GRID2: variants seen among roughly 807,000 people sequenced by gnomAD.
GRID2 encodes glutamate receptor ionotropic, delta-2.
Under a neutral mutation model 114.8 loss-of-function variants are expected in GRID2, and 33 were observed. That is an observed-to-expected ratio of 0.29 (90% confidence interval 0.22 to 0.38). The LOEUF (loss-of-function observed/expected upper bound fraction) is 0.38, where lower values mean the gene tolerates loss of function less well. GRID2 is among the 10% of genes least tolerant of loss of function. The pLI, the probability that GRID2 is intolerant of heterozygous loss-of-function variation, is 1.00. For synonymous variants in GRID2, 505 were observed against 449.9 expected (o/e 1.12, Z -1.55); for missense variants, 1,184 against 1,257.7 (o/e 0.94, Z 0.89).
intron 1 of GRID2, among the ~76,000 whole-genome samples, chr4:92,413,934 G>A (rs1188503991): frequency 6.6e-6 from 1 of 152,026 alleles, no homozygotes; most frequent in Non-Finnish European, 1.5e-5. Context: ...TTTTTTAAAT[G>A]TAGGAACAAC....
At chr4:92,966,597 G>T (rs1472490561) in intron 2 of GRID2, among the ~76,000 whole-genome samples, 2 of 151,794 alleles carry the variant, frequency 1.3e-5, no homozygotes, top group Admixed American at 6.6e-5. Context: ...TTCTCATGGT[G>T]GTGAATAAGT....
intron 2 of GRID2, among the ~76,000 whole-genome samples, chr4:92,901,397 T>A (rs1351146914): frequency 2.0e-5 from 3 of 152,146 alleles, no homozygotes; most frequent in Non-Finnish European, 2.9e-5. Context: ...TTAGTATTTT[T>A]CAGTTGCATA....
chr4:92,730,454 C>T (rs1044075253), intron 2 of GRID2, among the ~76,000 whole-genome samples: 4 of 151,900 alleles, frequency 2.6e-5, no homozygotes, highest in African/African-American at 4.8e-5. Flanking sequence ...AGATTAGGCA[C>T]ACAAAAATTA....
At chr4:93,393,848 G>C (rs755211878) in intron 8 of GRID2, among the ~76,000 whole-genome samples, 1 of 151,984 alleles carries the variant, frequency 6.6e-6, no homozygotes, top group Non-Finnish European at 1.5e-5. Flanking sequence ...AAAGTTAAGA[G>C]ACGAATTTAA....
intron 13 of GRID2, among the ~76,000 whole-genome samples, chr4:93,612,437 C>A (rs1159778180): frequency 7.2e-6 from 1 of 139,642 alleles, no homozygotes; most frequent in Non-Finnish European, 1.6e-5. Flanking sequence ...CATGATTTTG[C>A]AGCGGCTGGT....
At chr4:93,212,451 C>T (rs573591770) in intron 5 of GRID2, among the ~76,000 whole-genome samples, 9 of 152,190 alleles carry the variant, frequency 5.9e-5, no homozygotes, top group Non-Finnish European at 1.0e-4. Context: ...ATCTTCTCCC[C>T]GCAATCAGTG....
intron 1 of GRID2, among the ~76,000 whole-genome samples, chr4:92,508,886 T>C (rs1724105735): frequency 6.6e-6 from 1 of 151,782 alleles, no homozygotes; most frequent in Non-Finnish European, 1.5e-5. Flanking sequence ...TGTACCAAGG[T>C]AGTTGCTGTA....
chr4:92,948,863 A>G (rs1751832093), intron 2 of GRID2, among the ~76,000 whole-genome samples: 1 of 152,046 alleles, frequency 6.6e-6, no homozygotes, highest in Admixed American at 6.6e-5. Flanking sequence ...CACTTATTCT[A>G]GGTGTATATA....
rs186989215 is a variant in GRID2 at position 92,721,205 on chromosome 4, G to T, written c.244+130919G>T. 2.3e-4 allele frequency among the ~76,000 whole-genome samples: 35 copies of T among 152,194 alleles called. No homozygotes were observed. In the East Asian group the frequency reaches 6.6e-3, roughly 29 times the overall value. ...TGGACAGAGAATTTCAGTTTGGAAA[G>T]ATGAAGGAATAAGCTCTGGAGAAAG... is the stretch of plus-strand genomic sequence containing the variant. On this transcript the variant is annotated intron_variant, in intron 2 of 15. Transcript: ENST00000282020.
intron 13 of GRID2, among the ~76,000 whole-genome samples, chr4:93,553,888 ATACT>A: frequency 6.6e-6 from 1 of 152,298 alleles, no homozygotes; most frequent in Non-Finnish European, 1.5e-5. Context: ...CATGGATATT[ATACT>A]TACTCAACTG....
chr4:93,288,062 T>G (rs1187467237), intron 8 of GRID2, among the ~76,000 whole-genome samples: 2 of 152,228 alleles, frequency 1.3e-5, no homozygotes, highest in Non-Finnish European at 2.9e-5. Flanking sequence ...TCCTAAAATT[T>G]ATTTTTAAGA....
intron 12 of GRID2, among the ~76,000 whole-genome samples, chr4:93,502,983 A>T (rs1560689515): frequency 6.6e-6 from 1 of 152,066 alleles, no homozygotes; most frequent in South Asian, 2.1e-4. Context: ...TTTGCAAAAC[A>T]GTTCGGGCAT....
rs532942645 is a variant in GRID2, at chr4:92,530,744, A to G, written c.89-59387A>G. On this transcript the variant is annotated intron_variant, in intron 1 of 15. Transcript: ENST00000282020. ...GTGAAACCCCCTCTACTAAAAAAAAAAAAAAAAAAAAAATTAGCTGGGCGT... is the reference window on the plus strand; with the variant it reads ...GTGAAACCCCCTCTACTAAAAAAAAGAAAAAAAAAAAAATTAGCTGGGCGT... Among the ~76,000 whole-genome samples the G allele has an allele frequency of 5.3e-5, 8 of 151,038 alleles. No homozygotes were observed. The South Asian group carries it at 1.0e-3, about 20-fold the overall frequency.
intron 6 of GRID2, among the ~76,000 whole-genome samples, chr4:93,218,549 T>C (rs988836881): frequency 6.6e-6 from 1 of 152,130 alleles, no homozygotes; most frequent in Non-Finnish European, 1.5e-5. Flanking sequence ...CCCAGCATCA[T>C]AAGTACTCAT....
At chr4:93,318,295 G>A (rs1756893311) in intron 8 of GRID2, among the ~76,000 whole-genome samples, 1 of 151,690 alleles carries the variant, frequency 6.6e-6, no homozygotes, top group Admixed American at 6.6e-5. Context: ...TAACCTTACA[G>A]AAATGAATTA....
intron 8 of GRID2, among the ~76,000 whole-genome samples, chr4:93,240,202 A>G (rs985944208): frequency 1.3e-5 from 2 of 151,672 alleles, no homozygotes; most frequent in Admixed American, 6.6e-5. Context: ...GAACTTTACC[A>G]GATAACATCA....
intron 1 of GRID2, among the ~76,000 whole-genome samples, chr4:92,533,206 T>A (rs1236514215): frequency 2.0e-5 from 3 of 151,902 alleles, no homozygotes; most frequent in Non-Finnish European, 4.4e-5. Context: ...TTTTTGTTTT[T>A]TTTTTGAGAA....
At chr4:93,374,169 A>G (rs908723945) in intron 8 of GRID2, among the ~76,000 whole-genome samples, 5 of 152,210 alleles carry the variant, frequency 3.3e-5, no homozygotes, top group African/African-American at 1.2e-4. Context: ...AAATGATATC[A>G]TTTATAAAAT....
chr4:92,353,284 G>T (rs1447526241), intron 1 of GRID2, among the ~76,000 whole-genome samples: 2 of 150,412 alleles, frequency 1.3e-5, no homozygotes, highest in Non-Finnish European at 3.0e-5. Flanking sequence ...CTTAATTAAA[G>T]ACAGTTGTTT....
Sources: allele counts gnomAD v4.1 joint callset (sites outside exome capture counted in the v4.1 genomes callset), GRCh38; gene constraint gnomAD v4.1.1; transcripts MANE v1.5; gene names NCBI Gene and HGNC (gene_info 2026-07-23, HGNC 2026-07-21).